The following POFUT3 variants were observed in gnomAD, a reference collection of about 807,000 sequenced individuals.
POFUT3 encodes GDP-fucose protein O-fucosyltransferase 3.
the POFUT3 span, among the ~76,000 whole-genome samples, chr8:33,352,621 C>A: frequency 2.5e-4 from 38 of 151,998 alleles, no homozygotes; most frequent in African/African-American, 8.0e-4. Context: ...GAACCAGAGA[C>A]ATCTAGGGGA....
chr8:33,358,929 A>G, the POFUT3 span, among the ~76,000 whole-genome samples: 2 of 152,166 alleles, frequency 1.3e-5, no homozygotes, highest in Non-Finnish European at 2.9e-5. Flanking sequence ...TGAACCAGGA[A>G]GCAGTCCCAC....
the POFUT3 span, among the ~76,000 whole-genome samples, chr8:33,320,201 T>C: frequency 6.6e-6 from 1 of 151,962 alleles, no homozygotes. Flanking sequence ...CTAAGACATA[T>C]GGAAGGGGGG....
At chr8:33,391,568 G>A in the POFUT3 span, among the ~76,000 whole-genome samples, 3 of 152,192 alleles carry the variant, frequency 2.0e-5, no homozygotes, top group Non-Finnish European at 4.4e-5. Flanking sequence ...TGACTGCATT[G>A]AAGTACAACA....
chr8:33,385,628 T>C, the POFUT3 span, among the ~76,000 whole-genome samples: 1 of 152,102 alleles, frequency 6.6e-6, no homozygotes. Flanking sequence ...ACACCTGTAA[T>C]CCTGGCACTT....
At chr8:33,374,214 C>T in the POFUT3 span, among the ~76,000 whole-genome samples, 4 of 152,280 alleles carry the variant, frequency 2.6e-5, no homozygotes, top group East Asian at 1.9e-4. Context: ...ACCCACCTAC[C>T]GGTCTGTGGA....
At chr8:33,461,788 G>A in the POFUT3 span, 7 of 592,334 alleles carry the variant, frequency 1.2e-5, no homozygotes, top group South Asian at 1.2e-4. Flanking sequence ...TTGCAGCAGG[G>A]TGATCATGAA....
the POFUT3 span, among the ~76,000 whole-genome samples, chr8:33,325,523 A>C: frequency 2.0e-5 from 3 of 152,226 alleles, no homozygotes; most frequent in Non-Finnish European, 4.4e-5. Flanking sequence ...CAGCTCACTG[A>C]AATGTAAATA....
At chr8:33,386,686 T>C in the POFUT3 span, among the ~76,000 whole-genome samples, 2 of 152,068 alleles carry the variant, frequency 1.3e-5, no homozygotes, top group African/African-American at 2.4e-5. Flanking sequence ...GGCGGGTGCC[T>C]GTAGTCCCAG....
chr8:33,397,758 CTGAT>C, the POFUT3 span, among the ~76,000 whole-genome samples: 2 of 152,132 alleles, frequency 1.3e-5, no homozygotes, highest in Non-Finnish European at 2.9e-5. Context: ...ACTGGATTGA[CTGAT>C]TGATTGATTG....
At chr8:33,365,068 C>A in the POFUT3 span, among the ~76,000 whole-genome samples, 2 of 152,106 alleles carry the variant, frequency 1.3e-5, no homozygotes, top group Admixed American at 1.3e-4. Flanking sequence ...GATATATAGA[C>A]CAATGGAACA....
At chr8:33,438,167 A>C in the POFUT3 span, among the ~76,000 whole-genome samples, 1 of 152,244 alleles carries the variant, frequency 6.6e-6, no homozygotes, top group Non-Finnish European at 1.5e-5. Context: ...TGATAACATG[A>C]GGTTGAACAA....
At chr8:33,453,101 G>T in the POFUT3 span, 2 of 973,566 alleles carry the variant, frequency 2.1e-6, no homozygotes, top group Non-Finnish European at 3.1e-6. Context: ...AGGAAATCAG[G>T]GGTGTCAAAG....
chr8:33,361,508 A>T, the POFUT3 span: 2 of 152,216 alleles, frequency 1.3e-5, no homozygotes, highest in African/African-American at 4.8e-5. Context: ...AAATTCTATC[A>T]TATGAGGCGT....
chr8:33,433,054 CA>C, the POFUT3 span, among the ~76,000 whole-genome samples: 4 of 151,314 alleles, frequency 2.6e-5, no homozygotes, highest in Admixed American at 6.6e-5. Context: ...ACCACCATGG[CA>C]AAACTCCATC....
At chr8:33,423,839 AAAAAAAG>A in the POFUT3 span, among the ~76,000 whole-genome samples, 1 of 146,332 alleles carries the variant, frequency 6.8e-6, no homozygotes, top group African/African-American at 2.5e-5. Context: ...AAAAAAAAAA[AAAAAAAG>A]AGCCATTACT....
the POFUT3 span, among the ~76,000 whole-genome samples, chr8:33,327,213 T>TGGGATA: frequency 2.3e-4 from 35 of 152,286 alleles, no homozygotes; most frequent in African/African-American, 7.7e-4. Context: ...AGAGCTTCTT[T>TGGGATA]GGGATAGAAT....
the POFUT3 span, among the ~76,000 whole-genome samples, chr8:33,410,772 T>C: frequency 3.3e-5 from 5 of 152,110 alleles, no homozygotes; most frequent in East Asian, 7.7e-4. Flanking sequence ...GACTCTTCCA[T>C]CTGATGGTTT....
the POFUT3 span, among the ~76,000 whole-genome samples, chr8:33,427,548 C>G: frequency 6.6e-6 from 1 of 151,914 alleles, no homozygotes; most frequent in Admixed American, 6.6e-5. Flanking sequence ...CATTGCACTC[C>G]AGCCTGGGCA....
At chr8:33,374,878 CT>C in the POFUT3 span, among the ~76,000 whole-genome samples, 247 of 141,474 alleles carry the variant, frequency 1.7e-3, no homozygotes, top group African/African-American at 3.1e-3. Context: ...CTTTTCTTTT[CT>C]TTTTTTTTTT....
Sources: allele counts gnomAD v4.1 joint callset (sites outside exome capture counted in the v4.1 genomes callset), GRCh38; gene constraint gnomAD v4.1.1; transcripts MANE v1.5; gene names NCBI Gene and HGNC (gene_info 2026-07-23, HGNC 2026-07-21).